The following BRINP1 variants were observed in gnomAD, a reference collection of about 807,000 sequenced individuals.
BRINP1 encodes the protein BMP/retinoic acid-inducible neural-specific protein 1.
A neutral mutation model predicts 72.9 loss-of-function variants in BRINP1; 17 were observed. The observed-to-expected ratio is 0.23, with a 90% confidence interval of 0.16 to 0.35. The LOEUF (loss-of-function observed/expected upper bound fraction) is 0.35. Ranked by LOEUF, BRINP1 falls within the 10% of genes least tolerant of loss-of-function variation. BRINP1 has a pLI of 1.00. For missense variants in BRINP1, 850 were observed against 1,001.6 expected (o/e 0.85, Z 2.04); for synonymous variants, 418 against 378.5 (o/e 1.10, Z -1.21).
At position 119,338,884 on chromosome 9, in the gene BRINP1, C is replaced by CA. The variant is rs199695262; in HGVS notation, c.-50-25480dup. On this transcript the variant is annotated intron_variant, in intron 1 of 7. Coordinates refer to ENST00000265922, the MANE Select transcript of BRINP1 (RefSeq NM_014618.3). ...CTGGCGACACAGGGAGACTCCGTCT[C>CA]AAAAAAAACAAAAAACAAAAAAAAA... Among the ~76,000 whole-genome samples, 627 of 119,692 alleles carry CA rather than the reference C, an allele frequency of 5.2e-3. 6 individuals carry two copies. Among genetic ancestry groups the CA allele is most frequent in the Non-Finnish European group, 8.4e-3 (498 of 59,436 alleles). The allele number at this position is 119,692 out of a possible 152,430, so 78.5% of individuals were successfully genotyped here.
chr9:119,313,366 C>T lies in BRINP1; in HGVS notation c.-11G>A, dbSNP rs367729362. 1.9e-4 allele frequency: 303 copies of T among 1,612,720 alleles called. 1 individual carries two copies. The highest frequency in any genetic ancestry group is 2.4e-4 in the Non-Finnish European group (283 of 1,179,832). On this transcript the variant is annotated 5_prime_UTR_variant, in exon 2 of 8. Coordinates refer to ENST00000265922, the MANE Select transcript of BRINP1 (RefSeq NM_014618.3). Reference sequence around the variant, plus strand: ...AAACCTCCAGTTCATGCTTTTCTGCCGGCCTTTTTCCTCTCATTCTTGCTC... The same window carrying T: ...AAACCTCCAGTTCATGCTTTTCTGCTGGCCTTTTTCCTCTCATTCTTGCTC...
chr9:119,366,428 C>T (rs757586621), intron 1 of BRINP1, among the ~76,000 whole-genome samples: 2 of 151,514 alleles, frequency 1.3e-5, no homozygotes, highest in African/African-American at 2.4e-5. Context: ...CCTTGCTTGT[C>T]GGTAATTCCC....
chr9:119,245,433 C>A (rs906887367), intron 3 of BRINP1, among the ~76,000 whole-genome samples: 2 of 152,178 alleles, frequency 1.3e-5, no homozygotes, highest in African/African-American at 2.4e-5. Flanking sequence ...CACACAGGCA[C>A]CCAGTCTCCA....
intron 1 of BRINP1, among the ~76,000 whole-genome samples, chr9:119,323,809 T>C (rs1403444098): frequency 6.6e-6 from 1 of 152,172 alleles, no homozygotes; most frequent in Non-Finnish European, 1.5e-5. Context: ...GGAGGAGGCA[T>C]GGTAAAATTG....
chr9:119,182,631 C>A (rs1361380483), intron 7 of BRINP1, among the ~76,000 whole-genome samples: 4 of 152,196 alleles, frequency 2.6e-5, no homozygotes, highest in African/African-American at 9.6e-5. Context: ...TGTGAAGACA[C>A]AGGTAGAAGG....
intron 5 of BRINP1, among the ~76,000 whole-genome samples, chr9:119,222,397 G>A (rs990154077): frequency 6.6e-6 from 1 of 152,098 alleles, no homozygotes; most frequent in Admixed American, 6.6e-5. Flanking sequence ...GAGTTGAGCA[G>A]TTGCTACAGA....
At chr9:119,361,696 C>T (rs967127238) in intron 1 of BRINP1, among the ~76,000 whole-genome samples, 4 of 151,556 alleles carry the variant, frequency 2.6e-5, no homozygotes, top group Non-Finnish European at 4.4e-5. Flanking sequence ...TCTTGGCTCA[C>T]GGCAACTTCT....
At chr9:119,214,276 C>G (rs1588166487) in intron 5 of BRINP1, 121 bp from the exon 6 acceptor site, 1 of 726,064 alleles carries the variant, frequency 1.4e-6, no homozygotes, top group East Asian at 2.7e-5. Flanking sequence ...GTATTGGAAC[C>G]AATATATTTC....
intron 2 of BRINP1, 31 bp downstream of exon 2, chr9:119,313,107 T>G: frequency 6.2e-7 from 1 of 1,604,232 alleles, no homozygotes; most frequent in African/African-American, 1.3e-5. Flanking sequence ...AATATGAATG[T>G]AAGGCAAGGG....
rs1830982502 is a variant in BRINP1 at position 119,305,148 on chromosome 9, G to C, written c.218+7990C>G. Among the ~76,000 whole-genome samples, 2 of 152,208 alleles carry C rather than the reference G, an allele frequency of 1.3e-5. 1 individual carries two copies. The highest frequency in any genetic ancestry group is 2.9e-5 in the Non-Finnish European group (2 of 68,026). On this transcript the variant is annotated intron_variant, in intron 2 of 7. Transcript: ENST00000265922. ...CATTATATTTGAATGGAATAGAATAGAAGATATCTTGATATTTAAGAAGCA... is the reference window on the plus strand; with the variant it reads ...CATTATATTTGAATGGAATAGAATACAAGATATCTTGATATTTAAGAAGCA...
intron 2 of BRINP1, among the ~76,000 whole-genome samples, chr9:119,288,538 C>G (rs1830790275): frequency 6.6e-6 from 1 of 151,948 alleles, no homozygotes; most frequent in South Asian, 2.1e-4. Context: ...AAAATGAGGT[C>G]TTTTCATCAG....
intron 7 of BRINP1, among the ~76,000 whole-genome samples, chr9:119,182,959 A>C (rs1162685986): frequency 6.6e-6 from 1 of 152,244 alleles, no homozygotes; most frequent in Non-Finnish European, 1.5e-5. Context: ...TGGCAATGAT[A>C]TATTACTCAG....
At chr9:119,192,463 G>A (rs1829692565) in intron 7 of BRINP1, among the ~76,000 whole-genome samples, 1 of 151,972 alleles carries the variant, frequency 6.6e-6, no homozygotes, top group Non-Finnish European at 1.5e-5. Flanking sequence ...CTCCACAGAA[G>A]ACATAAAAAT....
chr9:119,306,262 G>A (rs1399767169), intron 2 of BRINP1, among the ~76,000 whole-genome samples: 1 of 152,194 alleles, frequency 6.6e-6, no homozygotes, highest in Non-Finnish European at 1.5e-5. Context: ...TAGCAATAAA[G>A]CTATCATTTT....
At chr9:119,238,071 T>C (rs1358454623) in intron 5 of BRINP1, among the ~76,000 whole-genome samples, 1 of 152,220 alleles carries the variant, frequency 6.6e-6, no homozygotes, top group Non-Finnish European at 1.5e-5. Context: ...AAATTCTTTA[T>C]AAACATCAGT....
Position 119,249,851 on chromosome 9 carries a change from GA to G in BRINP1, c.219-702del, listed in dbSNP as rs1224470115. On this transcript the variant is annotated intron_variant, in intron 2 of 7. Coordinates refer to ENST00000265922, the MANE Select transcript of BRINP1 (RefSeq NM_014618.3). The stretch of plus-strand genomic sequence containing the variant: ...GGAAGGAAGGAAGGAAGGAAGGAAG[GA>G]AGGGAGGGAGGGAGGGAGGGAGGGA... Among the ~76,000 whole-genome samples the G allele has an allele frequency of 3.7e-4, 29 of 79,036 alleles. 1 individual carries two copies. The highest frequency in any genetic ancestry group is 6.0e-4 in the Non-Finnish European group (24 of 39,820). The allele number at this position is 79,036 out of a possible 152,430, so 51.9% of individuals were successfully genotyped here.
intron 1 of BRINP1, among the ~76,000 whole-genome samples, chr9:119,320,676 A>G (rs958902031): frequency 6.6e-6 from 1 of 152,188 alleles, no homozygotes; most frequent in African/African-American, 2.4e-5. Flanking sequence ...AATGGTGCAG[A>G]TGCCTCAGGG....
chr9:119,252,176 C>T (rs747154081), intron 2 of BRINP1, among the ~76,000 whole-genome samples: 5 of 152,114 alleles, frequency 3.3e-5, no homozygotes, highest in Non-Finnish European at 7.3e-5. Flanking sequence ...AATCCTTAGG[C>T]CAACAGCTTC....
At chr9:119,210,525 T>C (rs1829911615) in intron 6 of BRINP1, among the ~76,000 whole-genome samples, 1 of 152,148 alleles carries the variant, frequency 6.6e-6, no homozygotes, top group African/African-American at 2.4e-5. Flanking sequence ...TTGCCCAAGG[T>C]CAAATGGCCA....
Sources: gnomAD v4.1 joint callset for allele counts (sites outside exome capture counted in the v4.1 genomes callset) on GRCh38, gnomAD v4.1.1 for gene constraint, MANE v1.5 for transcripts, NCBI Gene and HGNC (gene_info 2026-07-23, HGNC 2026-07-21) for gene names.